Variants in USP50 observed in about 807,000 individuals in gnomAD.
USP50 encodes ubiquitin carboxyl-terminal hydrolase 50.
Under a neutral mutation model 39.2 loss-of-function variants are expected in USP50, and 37 were observed. The ratio of observed to expected loss-of-function variants is 0.94; its 90% confidence interval spans 0.73 to 1.24. USP50 has a LOEUF of 1.24. USP50 is among the 50% of genes most tolerant of loss of function. The pLI is 0.00. For missense variants in USP50, 374 were observed against 398.2 expected (o/e 0.94, Z 0.52); for synonymous variants, 139 against 144.5 (o/e 0.96, Z 0.27).
chr15:50,494,008 T>C, downstream of USP50: 1 of 1,557,622 alleles, frequency 6.4e-7, no homozygotes, highest in African/African-American at 1.4e-5. Flanking sequence ...AAGAATCTAC[T>C]GTACCTTGCT....
At chr15:50,514,869 G>A (rs184372351) in intron 6 of USP50, among the ~76,000 whole-genome samples, 7 of 151,506 alleles carry the variant, frequency 4.6e-5, no homozygotes, top group Non-Finnish European at 8.8e-5. Context: ...GATGGCACTT[G>A]CCTGTCGTCC....
chr15:50,525,703 A>G (rs552063130), intron 6 of USP50, among the ~76,000 whole-genome samples: 12 of 71,792 alleles, frequency 1.7e-4, no homozygotes, highest in African/African-American at 5.5e-4. Context: ...ATATGTATAT[A>G]TATGTATATA....
rs759317847 is a variant in USP50, at chr15:50,544,772, G to A, written c.63C>T (p.Cys21=). The change falls in exon 2 of 7, where the codon TGC becomes TGT. Residue 21 remains cysteine (C), a synonymous_variant. Coordinates refer to ENST00000532404, the MANE Select transcript of USP50 (RefSeq NM_203494.5). The part of the protein sequence containing the change: ...DFDIYHVLAE[C]TDYYDTLPVK... ...CTGGAAGGGTATCATAGTAATCTGT[G>A]CACTCTGCACTGTGTTGGTGCCACA... is the stretch of plus-strand genomic sequence containing the variant. 1 of 1,613,858 alleles carries A rather than the reference G, an allele frequency of 6.2e-7. No individual in the cohort carries two copies. Among genetic ancestry groups the A allele is most frequent in the South Asian group, 1.1e-5 (1 of 91,056 alleles).
At chr15:50,522,722 G>A (rs1319559698) in intron 6 of USP50, among the ~76,000 whole-genome samples, 1 of 151,876 alleles carries the variant, frequency 6.6e-6, no homozygotes, top group East Asian at 1.9e-4. Context: ...ATACAATGGT[G>A]CAGACCTCCA....
chr15:50,495,489 G>A lies in USP50; in HGVS notation n.185-1359C>T, dbSNP rs562538972. Among the ~76,000 whole-genome samples, 82 of 147,346 alleles carry A rather than the reference G, an allele frequency of 5.6e-4. 1 individual carries two copies. The East Asian group carries it at 0.016, about 29-fold the overall frequency. ...TTCTTTTTTTAGTAGAGATTGGAGG[G>A]GGGGGTCTCACTATGTTGCACAAGT... On this transcript the variant is annotated intron_variant and non_coding_transcript_variant, in intron 1 of 1. Coordinates refer to the USP50 transcript ENST00000560159.
At chr15:50,494,012 C>T (rs1374524478), downstream of USP50, 1 of 1,567,890 alleles carries the variant, frequency 6.4e-7, no homozygotes, top group African/African-American at 1.4e-5. Context: ...ATCTACTGTA[C>T]CTTGCTTAAC....
intron 6 of USP50, among the ~76,000 whole-genome samples, chr15:50,526,086 T>G (rs2141368029): frequency 6.6e-6 from 1 of 152,188 alleles, no homozygotes; most frequent in South Asian, 2.1e-4. Context: ...TTAGGCAGGG[T>G]TTCTCTCTGT....
downstream of USP50, chr15:50,496,015 GTC>G: frequency 6.2e-7 from 1 of 1,614,016 alleles, no homozygotes; most frequent in Non-Finnish European, 8.5e-7. Context: ...GTCACAAAAA[GTC>G]TAGGACATTT....
chr15:50,498,875 A>ATT, downstream of USP50: 5 of 1,560,972 alleles, frequency 3.2e-6, no homozygotes, highest in South Asian at 2.4e-5. Context: ...AACTGAATTG[A>ATT]TTTTTTTTTC....
At chr15:50,494,829 A>T (rs1044830633) in intron 1 of USP50, among the ~76,000 whole-genome samples, 1 of 152,172 alleles carries the variant, frequency 6.6e-6, no homozygotes, top group African/African-American at 2.4e-5. Context: ...AGCCTGGCCA[A>T]CATGGCAAAA....
downstream of USP50, chr15:50,500,401 A>G (rs1013063530): frequency 5.9e-6 from 1 of 170,534 alleles, no homozygotes; most frequent in African/African-American, 2.4e-5. Flanking sequence ...TGAACTCACT[A>G]TATAATTGCA....
chr15:50,495,132 CTTT>C (rs1477731088), intron 1 of USP50, among the ~76,000 whole-genome samples: 1 of 151,480 alleles, frequency 6.6e-6, no homozygotes, highest in Non-Finnish European at 1.5e-5. Flanking sequence ...ACTACAACTT[CTTT>C]TTAGCACTTT....
intron 5 of USP50, among the ~76,000 whole-genome samples, chr15:50,535,135 TCA>T (rs113407791): frequency 0.014 from 2,040 of 144,178 alleles, 11 homozygotes; most frequent in African/African-American, 0.026. Flanking sequence ...TGAAACTCTG[TCA>T]CACACACACA....
At chr15:50,498,854 A>T (rs1293756397), downstream of USP50, 2 of 1,558,574 alleles carry the variant, frequency 1.3e-6, no homozygotes, top group Admixed American at 4.0e-5. Flanking sequence ...CGTATTTTAA[A>T]TAACAATTTT....
At chr15:50,539,939 T>G (rs2053015646) in intron 4 of USP50, among the ~76,000 whole-genome samples, 1 of 152,168 alleles carries the variant, frequency 6.6e-6, no homozygotes, top group Admixed American at 6.5e-5. Flanking sequence ...AGCGCAGATT[T>G]TGTTTGCAGA....
intron 6 of USP50, among the ~76,000 whole-genome samples, chr15:50,517,960 T>A (rs3131607): frequency 0.49 from 75,097 of 152,114 alleles, 18,920 homozygotes; most frequent in East Asian, 0.57. Context: ...TTGGCCCCTC[T>A]AAGTGCTGGG....
rs925736968 is a variant in USP50 at position 50,521,208 on chromosome 15, A to G, written c.936+8589T>C. 3.3e-5 allele frequency among the ~76,000 whole-genome samples: 5 copies of G among 151,962 alleles called. 1 individual carries two copies. The highest frequency in any genetic ancestry group is 2.9e-5 in the Non-Finnish European group (2 of 67,978). On this transcript the variant is annotated intron_variant, in intron 6 of 6. Transcript: ENST00000532404. ...AGGCGCCCGCCACCAAGCTTGGCAAATTTTTGTATTTTTAGTAGAGATGGG... is the reference window on the plus strand; with the variant it reads ...AGGCGCCCGCCACCAAGCTTGGCAAGTTTTTGTATTTTTAGTAGAGATGGG...
At chr15:50,496,181 AT>A, downstream of USP50, 2 of 1,054,296 alleles carry the variant, frequency 1.9e-6, no homozygotes, top group Non-Finnish European at 2.7e-6. Context: ...CCTTACAAAC[AT>A]TTTATCAGTA....
chr15:50,498,668 G>A, downstream of USP50: 1 of 1,613,100 alleles, frequency 6.2e-7, no homozygotes, highest in African/African-American at 1.3e-5. Flanking sequence ...ATCTTGACTT[G>A]TCACAGTATG....
Sources: gnomAD v4.1 joint callset for allele counts (sites outside exome capture counted in the v4.1 genomes callset) on GRCh38, gnomAD v4.1.1 for gene constraint, MANE v1.5 for transcripts, NCBI Gene and HGNC (gene_info 2026-07-23, HGNC 2026-07-21) for gene names.